GRM5: variants seen among roughly 807,000 people sequenced by gnomAD.
GRM5 encodes metabotropic glutamate receptor 5.
GRM5 carries 19 observed loss-of-function variants against 83.1 expected under a neutral mutation model. The observed-to-expected ratio is 0.23, with a 90% confidence interval of 0.16 to 0.34. The LOEUF (loss-of-function observed/expected upper bound fraction) is 0.34, where lower values mean the gene tolerates loss of function less well. Among genes scored for constraint, GRM5 ranks in the 10% least tolerant of loss-of-function variants. The probability of loss-of-function intolerance (pLI) is 1.00; values close to 1 mark genes in which losing one functional copy is unlikely to be tolerated. For missense variants in GRM5, 1,160 were observed against 1,588.3 expected (o/e 0.73, Z 4.58); for synonymous variants, 675 against 633.6 (o/e 1.07, Z -0.98).
At position 88,845,423 on chromosome 11, in the gene GRM5, C is replaced by CTTT. The variant is rs71046265; in HGVS notation, c.911+4480_911+4482dup. Among the ~76,000 whole-genome samples the CTTT allele has an allele frequency of 1.5e-3, 137 of 92,416 alleles. 18 individuals carry two copies. The highest frequency in any genetic ancestry group is 5.7e-3 in the African/African-American group (126 of 22,208). 60.6% of individuals were successfully genotyped at this position (92,416 alleles called of 152,430 possible). Reference sequence around the variant, plus strand: ...AGGCTACAGTACAGTATAAACATAACTTTTTTTTTTTTTTTTTTTTTTTTT... The same window carrying CTTT: ...AGGCTACAGTACAGTATAAACATAACTTTTTTTTTTTTTTTTTTTTTTTTTTTT... On this transcript the variant is annotated intron_variant, in intron 3 of 9. Transcript: ENST00000305447.
chr11:88,920,987 T>C lies in GRM5; in HGVS notation c.662-70832A>G, dbSNP rs1023145459. ...ATGGCTTTCAAAGCTGGCCTCCTTATAAGTGAATGAGATATCAGCAAATTA... is the reference window on the plus strand; with the variant it reads ...ATGGCTTTCAAAGCTGGCCTCCTTACAAGTGAATGAGATATCAGCAAATTA... On this transcript the variant is annotated intron_variant, in intron 2 of 9. Coordinates refer to ENST00000305447, the MANE Select transcript of GRM5 (RefSeq NM_001143831.3). 1.4e-4 allele frequency among the ~76,000 whole-genome samples: 21 copies of C among 152,290 alleles called. 1 individual carries two copies. Among genetic ancestry groups the C allele is most frequent in the Middle Eastern group, 3.4e-3 (1 of 294 alleles).
chr11:88,555,142 A>C (rs1942596836), intron 8 of GRM5, among the ~76,000 whole-genome samples: 1 of 152,144 alleles, frequency 6.6e-6, no homozygotes, highest in African/African-American at 2.4e-5. Flanking sequence ...CAAGTTTCTC[A>C]CTTTTAAAAC....
chr11:89,052,328 C>T (rs1294895442), intron 1 of GRM5, among the ~76,000 whole-genome samples: 9 of 152,056 alleles, frequency 5.9e-5, no homozygotes, highest in Non-Finnish European at 1.0e-4. Context: ...AAAAAATAAG[C>T]TCTGCTGAGG....
intron 2 of GRM5, among the ~76,000 whole-genome samples, chr11:88,872,208 A>C (rs1320838552): frequency 1.3e-5 from 2 of 151,534 alleles, no homozygotes. Flanking sequence ...TCATAAATGC[A>C]CAGAGTAATG....
chr11:89,043,785 A>G (rs1177549880), intron 2 of GRM5, among the ~76,000 whole-genome samples: 2 of 152,088 alleles, frequency 1.3e-5, no homozygotes, highest in African/African-American at 4.8e-5. Context: ...TGGAAAGGCA[A>G]TTTTGTTGAT....
chr11:88,890,303 T>C (rs1000597098), intron 2 of GRM5, among the ~76,000 whole-genome samples: 11 of 152,174 alleles, frequency 7.2e-5, no homozygotes, highest in Non-Finnish European at 1.2e-4. Flanking sequence ...ATTTTAGGGA[T>C]CTGCCTTTGC....
At chr11:88,992,530 G>A (rs543022935) in intron 2 of GRM5, among the ~76,000 whole-genome samples, 1 of 152,170 alleles carries the variant, frequency 6.6e-6, no homozygotes, top group East Asian at 1.9e-4. Context: ...TATACCCGAA[G>A]GATTATAAAT....
intron 3 of GRM5, among the ~76,000 whole-genome samples, chr11:88,839,602 C>T (rs960904570): frequency 3.3e-5 from 5 of 152,118 alleles, no homozygotes; most frequent in Non-Finnish European, 7.4e-5. Flanking sequence ...AACTATTTTT[C>T]ATGATTATAA....
At chr11:88,764,637 T>A (rs774501177) in intron 3 of GRM5, among the ~76,000 whole-genome samples, 1 of 151,516 alleles carries the variant, frequency 6.6e-6, no homozygotes, top group Non-Finnish European at 1.5e-5. Flanking sequence ...CAGGGGAAAT[T>A]GGAAAATACT....
At chr11:88,570,135 A>G (rs765577218) in intron 7 of GRM5, among the ~76,000 whole-genome samples, 7 of 152,284 alleles carry the variant, frequency 4.6e-5, no homozygotes, top group Non-Finnish European at 8.8e-5. Flanking sequence ...CACATTTCAG[A>G]TAGTACTATT....
intron 2 of GRM5, among the ~76,000 whole-genome samples, chr11:88,855,288 C>T (rs1944454502): frequency 6.6e-6 from 1 of 151,936 alleles, no homozygotes; most frequent in Admixed American, 6.6e-5. Context: ...CTACCAACCA[C>T]TATTTTTTGT....
At chr11:88,619,452 G>A (rs1271655553) in intron 4 of GRM5, among the ~76,000 whole-genome samples, 2 of 152,138 alleles carry the variant, frequency 1.3e-5, no homozygotes, top group African/African-American at 4.8e-5. Context: ...AAATGCTCTG[G>A]ACCCTGTCTC....
intron 8 of GRM5, among the ~76,000 whole-genome samples, chr11:88,539,173 G>T (rs1401940552): frequency 6.6e-6 from 1 of 152,232 alleles, no homozygotes. Flanking sequence ...GATGGAAGCA[G>T]ATTTGCTCTA....
chr11:88,837,616 A>C (rs1944115258), intron 3 of GRM5, among the ~76,000 whole-genome samples: 1 of 152,194 alleles, frequency 6.6e-6, no homozygotes, highest in Non-Finnish European at 1.5e-5. Flanking sequence ...CTAGTATTAG[A>C]AGAGGGCTTC....
At chr11:88,676,765 C>G (rs723859) in intron 3 of GRM5, among the ~76,000 whole-genome samples, 84,820 of 151,852 alleles carry the variant, frequency 0.56, 26,547 homozygotes, top group South Asian at 0.8. Flanking sequence ...AAATTATAGT[C>G]TTGATAAGTT....
At chr11:88,862,960 C>A (rs1369417646) in intron 2 of GRM5, among the ~76,000 whole-genome samples, 1 of 152,070 alleles carries the variant, frequency 6.6e-6, no homozygotes, top group Non-Finnish European at 1.5e-5. Context: ...AGGCCATGAA[C>A]AAACACTTCT....
chr11:89,020,249 G>A (rs1940950000), intron 2 of GRM5, among the ~76,000 whole-genome samples: 1 of 152,224 alleles, frequency 6.6e-6, no homozygotes, highest in Non-Finnish European at 1.5e-5. Flanking sequence ...AAGCCCAGGT[G>A]TTTGGACTTC....
intron 2 of GRM5, among the ~76,000 whole-genome samples, chr11:89,016,374 TA>T (rs1940856862): frequency 5.3e-5 from 8 of 151,672 alleles, no homozygotes. Context: ...GATATTTTCA[TA>T]AAATTTGTTT....
intron 2 of GRM5, among the ~76,000 whole-genome samples, chr11:88,906,604 T>C (rs1247742717): frequency 9.2e-5 from 14 of 152,202 alleles, no homozygotes; most frequent in East Asian, 1.9e-4. Flanking sequence ...AAAATACATA[T>C]ATGTCAAAAT....
Sources: gnomAD v4.1 joint callset for allele counts (sites outside exome capture counted in the v4.1 genomes callset) on GRCh38, gnomAD v4.1.1 for gene constraint, MANE v1.5 for transcripts, NCBI Gene and HGNC (gene_info 2026-07-23, HGNC 2026-07-21) for gene names.